The following GLS variants were observed in gnomAD, a reference collection of about 807,000 sequenced individuals.
GLS encodes the protein glutaminase kidney isoform, mitochondrial.
In GLS, 36 loss-of-function variants were observed where a neutral mutation model predicts 86.7. The observed-to-expected ratio is 0.42, with a 90% CI of 0.32 to 0.55. The LOEUF is 0.55. GLS is among the 20% of genes least tolerant of loss of function. The pLI, the probability that GLS is intolerant of heterozygous loss-of-function variation, is 0.17. For missense variants in GLS, 528 were observed against 833.4 expected (o/e 0.63, Z 4.51); for synonymous variants, 317 against 305.9 (o/e 1.04, Z -0.38).
Position 190,881,349 on chromosome 2 carries a change from C to A in GLS, c.265C>A (p.His89Asn), listed in dbSNP as rs934925718. The A allele has an allele frequency of 1.4e-5, 21 of 1,537,318 alleles. No homozygotes were observed. The highest frequency in any genetic ancestry group is 1.8e-5 in the Non-Finnish European group (21 of 1,141,848). ...ILQELGKGSTHPQPGVSPPAA... is the reference protein window; with the variant it reads ...ILQELGKGSTNPQPGVSPPAA... ...GCAGGAGCTGGGCAAGGGGAGCACG[C>A]ATCCGCAGCCCGGGGTGTCGCCACC... Residue 89 changes from histidine (H) to asparagine (N), a missense_variant, in exon 1 of 18, where the codon CAT (histidine) becomes AAT (asparagine). This residue lies in a region of GLS where 224 missense variants were observed against 187.9 expected (regional missense o/e 1.19). Coordinates refer to ENST00000320717, the MANE Select transcript of GLS (RefSeq NM_014905.5).
At chr2:190,903,660 A>G (rs1440772183) in intron 5 of GLS, among the ~76,000 whole-genome samples, 2 of 152,164 alleles carry the variant, frequency 1.3e-5, no homozygotes, top group Non-Finnish European at 2.9e-5. Flanking sequence ...TTTTTTATCT[A>G]GAGAATTCAG....
chr2:190,937,941 G>C (rs1344712790), intron 14 of GLS, among the ~76,000 whole-genome samples: 1 of 131,650 alleles, frequency 7.6e-6, no homozygotes, highest in African/African-American at 2.8e-5. Context: ...TTATAATCTT[G>C]CCCTCAAAAG....
In GLS at chr2:190,962,170, C is replaced by G. The variant is rs540957740; in HGVS notation, c.1854-660C>G. Reference sequence around the variant, plus strand: ...TATCCTTGAATATTCATCTACATCACTCTAAACAGCACAGCCCCAGAAGCA... The same window carrying G: ...TATCCTTGAATATTCATCTACATCAGTCTAAACAGCACAGCCCCAGAAGCA... On this transcript the variant is annotated intron_variant, in intron 17 of 17. Transcript: ENST00000320717. The surrounding 1 kb of genome is among the most constrained non-coding windows in gnomAD (Gnocchi z 4.2). 6.6e-6 allele frequency among the ~76,000 whole-genome samples: 1 copy of G among 152,196 alleles called. No individual in the cohort carries two copies. Among genetic ancestry groups the G allele is most frequent in the Non-Finnish European group, 1.5e-5 (1 of 68,044 alleles).
intron 17 of GLS, among the ~76,000 whole-genome samples, chr2:190,961,198 A>G (rs1690992675): frequency 1.3e-5 from 2 of 152,172 alleles, no homozygotes; most frequent in African/African-American, 4.8e-5. Context: ...ATAGGTTTGC[A>G]CAGAATTCGT....
Position 190,881,403 on chromosome 2 carries a change from G to A in GLS, c.319G>A (p.Asp107Asn), listed in dbSNP as rs1228651362. The A allele has an allele frequency of 5.8e-6, 9 of 1,543,584 alleles. No individual in the cohort carries two copies. In the South Asian group the frequency reaches 9.5e-5, roughly 16 times the overall value. ...PAAPAAPGPK[D>N]GPGETDAFGN... ...TGCCCCGGCGGCGCCCGGCCCCAAG[G>A]ACGGCCCCGGGGAGACGGACGCGTT... The change falls in exon 1 of 18, where the codon GAC becomes AAC. Residue 107 changes from aspartate to asparagine, a missense_variant. By Grantham distance (23) the Asp-to-Asn change is conservative. Coordinates refer to ENST00000320717, the MANE Select transcript of GLS (RefSeq NM_014905.5).
At chr2:190,898,649 G>A (rs998052190) in intron 3 of GLS, among the ~76,000 whole-genome samples, 3 of 150,908 alleles carry the variant, frequency 2.0e-5, no homozygotes, top group African/African-American at 7.3e-5. Context: ...CTTTTTTTTT[G>A]AGATGGAGTT....
chr2:190,900,564 A>T lies in GLS; in HGVS notation c.606A>T (p.Lys202Asn), dbSNP rs1323014241. Residue 202 changes from lysine to asparagine, a missense_variant and splice_region_variant, in exon 4 of 18, where the codon AAA becomes AAT. Transcript: ENST00000320717. ...GVMLDKDLFKKCVQSNIVLLT... is the reference protein window; with the variant it reads ...GVMLDKDLFKNCVQSNIVLLT... ...TTAATTATCTTTTTACATTCTACAG[A>T]TGTGTTCAGAGCAACATTGTTTTGT... 1.3e-6 allele frequency: 2 copies of T among 1,581,436 alleles called. No homozygotes were observed. Among genetic ancestry groups the T allele is most frequent in the African/African-American group, 1.3e-5 (1 of 74,252 alleles).
intron 14 of GLS, among the ~76,000 whole-genome samples, chr2:190,948,850 T>C (rs1439441210): frequency 1.3e-5 from 2 of 152,140 alleles, no homozygotes; most frequent in African/African-American, 2.4e-5. Flanking sequence ...TTCAGGAGAA[T>C]AGTATGCACT....
chr2:190,925,693 T>C (rs1479410320), intron 11 of GLS, among the ~76,000 whole-genome samples: 1 of 152,162 alleles, frequency 6.6e-6, no homozygotes, highest in Non-Finnish European at 1.5e-5. Flanking sequence ...AGGTTGATAA[T>C]GAGTTAGATT....
rs1690855499 is a variant in GLS, at chr2:190,956,095, T to C, written c.1853+1277T>C. Among the ~76,000 whole-genome samples the C allele has an allele frequency of 6.6e-6, 1 of 152,240 alleles. No homozygotes were observed. Among genetic ancestry groups the C allele is most frequent in the Non-Finnish European group, 1.5e-5 (1 of 68,042 alleles). On this transcript the variant is annotated intron_variant, in intron 17 of 17. Coordinates refer to ENST00000320717, the MANE Select transcript of GLS (RefSeq NM_014905.5). This position sits in a 1 kb window ranked among gnomAD's most constrained non-coding sequence, Gnocchi z 4.2. ...TTGCCTGTTCGCCCTGATGATAGTT[T>C]CTTTTGCTGTGCAGAAGCTCTTTAG...
At position 190,954,728 on chromosome 2, in the gene GLS, T is replaced by G; in HGVS notation, c.1790-27T>G. ...ATTTCTACTTAGTACTAAAATCTGCTCTTTTTTTGGGGGTGGGACGGTATA... is the reference window on the plus strand; with the variant it reads ...ATTTCTACTTAGTACTAAAATCTGCGCTTTTTTTGGGGGTGGGACGGTATA... On this transcript the variant is annotated intron_variant, in intron 16 of 17. Transcript: ENST00000320717. This position sits in a 1 kb window ranked among gnomAD's most constrained non-coding sequence, Gnocchi z 4.0. The G allele has an allele frequency of 1.2e-6, 2 of 1,613,484 alleles. No individual in the cohort carries two copies. Among genetic ancestry groups the G allele is most frequent in the Non-Finnish European group, 1.7e-6 (2 of 1,179,434 alleles).
rs1690650975 is a variant in GLS at position 190,949,088 on chromosome 2, C to G, written c.1651-4477C>G. Reference sequence around the variant, plus strand: ...GGATTTGATTAGGAATCTGGGTGTTCTTAAGAGCATAGACACCAAGACAAA... The same window carrying G: ...GGATTTGATTAGGAATCTGGGTGTTGTTAAGAGCATAGACACCAAGACAAA... On this transcript the variant is annotated intron_variant, in intron 14 of 17. Coordinates refer to ENST00000320717, the MANE Select transcript of GLS (RefSeq NM_014905.5). The surrounding 1 kb of genome is among the most constrained non-coding windows in gnomAD (Gnocchi z 4.0). 6.7e-6 allele frequency among the ~76,000 whole-genome samples: 1 copy of G among 150,370 alleles called. No homozygotes were observed. The highest frequency in any genetic ancestry group is 1.5e-5 in the Non-Finnish European group (1 of 67,990).
chr2:190,890,408 G>A (rs1194997891), intron 1 of GLS, among the ~76,000 whole-genome samples: 1 of 152,084 alleles, frequency 6.6e-6, no homozygotes, highest in Non-Finnish European at 1.5e-5. Context: ...ACCTCATAGG[G>A]TTTTAATATG....
At chr2:190,936,529 A>G (rs1455272069) in intron 14 of GLS, among the ~76,000 whole-genome samples, 2 of 151,022 alleles carry the variant, frequency 1.3e-5, no homozygotes, top group Non-Finnish European at 3.0e-5. Context: ...TTGCTGCCCT[A>G]GAATTGGTAA....
intron 1 of GLS, among the ~76,000 whole-genome samples, chr2:190,885,447 C>T (rs781365104): frequency 1.3e-5 from 2 of 152,180 alleles, no homozygotes; most frequent in African/African-American, 2.4e-5. Context: ...GCTGTGGCCA[C>T]CCAAAGTGCT....
intron 14 of GLS, chr2:190,934,892 C>A: frequency 1.0e-6 from 1 of 978,008 alleles, no homozygotes. Context: ...TGCGAATAGG[C>A]CCTCAAACTT....
chr2:190,903,644 CTT>C (rs934856461), intron 5 of GLS, among the ~76,000 whole-genome samples: 1 of 152,072 alleles, frequency 6.6e-6, no homozygotes, highest in African/African-American at 2.4e-5. Context: ...CTCTATGTCT[CTT>C]AGTTTTTTTA....
At position 190,923,897 on chromosome 2, in the gene GLS, G is replaced by T; in HGVS notation, c.1131-20G>T. The T allele has an allele frequency of 6.9e-7, 1 of 1,456,498 alleles. No homozygotes were observed. The highest frequency in any genetic ancestry group is 9.5e-7 in the Non-Finnish European group (1 of 1,048,754). The allele number at this position is 1,456,498 out of a possible 1,614,324, so 90.2% of individuals were successfully genotyped here. A position where few individuals can be genotyped will look rare whatever the true frequency, so the allele number is the denominator to read the frequency against. On this transcript the variant is annotated intron_variant, in intron 9 of 17. Transcript: ENST00000320717. ...TTTAAAGAAAGTACATAGAGCAAATGTTTTTTTTTCTTCTTCCAGGTTTCA... is the reference window on the plus strand; with the variant it reads ...TTTAAAGAAAGTACATAGAGCAAATTTTTTTTTTTCTTCTTCCAGGTTTCA...
chr2:190,916,828 G>C (rs1443993853), intron 7 of GLS, among the ~76,000 whole-genome samples: 1 of 152,096 alleles, frequency 6.6e-6, no homozygotes, highest in East Asian at 1.9e-4. Flanking sequence ...ACTATAGTAA[G>C]TGTGCAGTAG....
Sources: allele counts gnomAD v4.1 joint callset (sites outside exome capture counted in the v4.1 genomes callset), GRCh38; gene constraint gnomAD v4.1.1; regional missense constraint gnomAD v4.1.1; non-coding constraint Gnocchi (gnomAD v3.1); transcripts MANE v1.5; gene names NCBI Gene and HGNC (gene_info 2026-07-23, HGNC 2026-07-21).